The following UTRN variants were observed in gnomAD, a reference collection of about 807,000 sequenced individuals.
UTRN encodes utrophin, also known as dystrophin-related protein 1.
A neutral mutation model predicts 463.9 loss-of-function variants in UTRN; 283 were observed. The observed-to-expected ratio is 0.61, with a 90% CI of 0.55 to 0.67. UTRN has a LOEUF of 0.67. Among genes scored for constraint, UTRN ranks in the 30% least tolerant of loss-of-function variants. The pLI is 0.00. For missense variants in UTRN, 3,922 were observed against 4,084.3 expected, an observed-to-expected ratio of 0.96 and a Z score of 1.08; for synonymous variants, 1,442 against 1,431.5, an observed-to-expected ratio of 1.01 and a Z score of -0.17.
chr6:144,717,909 A>G (rs1786685856), intron 53 of UTRN, among the ~76,000 whole-genome samples: 1 of 152,054 alleles, frequency 6.6e-6, no homozygotes, highest in Admixed American at 6.6e-5. Flanking sequence ...TGCTGGTACT[A>G]CAGGCATGAG....
At chr6:144,331,009 T>C in intron 2 of UTRN, 1 of 985,320 alleles carries the variant, frequency 1.0e-6, no homozygotes, top group Non-Finnish European at 1.2e-6. Context: ...CGGCAGACAG[T>C]CACAGGCAGG....
intron 39 of UTRN, among the ~76,000 whole-genome samples, chr6:144,521,610 G>T (rs370625555): frequency 6.6e-6 from 1 of 152,224 alleles, no homozygotes; most frequent in East Asian, 1.9e-4. Context: ...GTGAAATAAT[G>T]TATCAAAATG....
chr6:144,732,982 C>T lies in UTRN; in HGVS notation c.7939+2496C>T, dbSNP rs1208345455. Among the ~76,000 whole-genome samples the T allele has an allele frequency of 5.3e-5, 8 of 152,118 alleles. No individual in the cohort carries two copies. In the East Asian group the frequency reaches 1.5e-3, roughly 29 times the overall value. On this transcript the variant is annotated intron_variant, in intron 54 of 74. Transcript: ENST00000367545. ...TCTCCAAAAGTGCTGAGAATACAGCCATGAGCCACCGTGCCCAGCCTAGCA... is the reference window on the plus strand; with the variant it reads ...TCTCCAAAAGTGCTGAGAATACAGCTATGAGCCACCGTGCCCAGCCTAGCA...
At chr6:144,354,870 C>T (rs1280545171) in intron 2 of UTRN, among the ~76,000 whole-genome samples, 3 of 152,088 alleles carry the variant, frequency 2.0e-5, no homozygotes, top group Admixed American at 2.0e-4. Flanking sequence ...CGAGGTCTAT[C>T]TCTGCACGGT....
chr6:144,516,033 G>A (rs1357456750), intron 37 of UTRN, among the ~76,000 whole-genome samples, 196 bp from the exon 38 acceptor site: 1 of 152,180 alleles, frequency 6.6e-6, no homozygotes, highest in Admixed American at 6.5e-5. Flanking sequence ...CTAGAGTTTG[G>A]AGAAAACGGG....
At chr6:144,729,167 T>G (rs1420681651) in intron 53 of UTRN, among the ~76,000 whole-genome samples, 1 of 152,212 alleles carries the variant, frequency 6.6e-6, no homozygotes, top group East Asian at 1.9e-4. Flanking sequence ...CTAAAGGCTA[T>G]CATGAGATTT....
Position 144,774,298 on chromosome 6 carries a change from A to C in UTRN, c.8566A>C (p.Asn2856His). The C allele has an allele frequency of 1.2e-6, 2 of 1,602,912 alleles. No homozygotes were observed. Among genetic ancestry groups the C allele is most frequent in the Non-Finnish European group, 1.7e-6 (2 of 1,176,554 alleles). ...TELFQSLADL[N>H]NVRFSAYRTA... ...TTCTTTTTCTATTTCAGCTGACCTG[A>C]ATAATGTACGTTTTTCTGCCTACCG... Residue 2856 changes from asparagine to histidine, a missense_variant, in exon 60 of 75, where the codon AAT becomes CAT. Physicochemically the swap from Asn to His is moderately conservative, Grantham distance 68. This residue lies in a region of UTRN where 1,309 missense variants were observed against 1,452.6 expected (regional missense o/e 0.90). Transcript: ENST00000367545.
intron 33 of UTRN, among the ~76,000 whole-genome samples, chr6:144,495,878 A>G (rs755526799): frequency 6.6e-5 from 10 of 152,164 alleles, no homozygotes; most frequent in Non-Finnish European, 1.2e-4. Flanking sequence ...TTCCCATTTC[A>G]TGTAGGAAAA....
intron 51 of UTRN, among the ~76,000 whole-genome samples, chr6:144,589,718 A>C (rs1324422725): frequency 1.3e-5 from 2 of 152,202 alleles, no homozygotes; most frequent in African/African-American, 4.8e-5. Context: ...GAGCTGGAGC[A>C]TGAGAACATT....
rs146057471 is a variant in UTRN, at chr6:144,301,468, GTC to G, written c.79+9567_79+9568del. On this transcript the variant is annotated intron_variant, in intron 2 of 74. Transcript: ENST00000367545. ...TCAAGGCAGATTGCTCAGAGAGGGG[GTC>G]TCTCTGCATATATGTCTAAGGGAGA... Among the ~76,000 whole-genome samples the G allele has an allele frequency of 1.2e-3, 177 of 151,754 alleles. 1 individual carries two copies. The East Asian group carries it at 0.029, about 25-fold the overall frequency.
intron 2 of UTRN, among the ~76,000 whole-genome samples, chr6:144,317,662 G>A (rs138835805): frequency 4.3e-3 from 648 of 152,290 alleles, no homozygotes; most frequent in Admixed American, 8.2e-3. Context: ...CTCCCAAAGT[G>A]CTGGGATTAC....
chr6:144,819,523 C>T (rs1488509620), intron 65 of UTRN, among the ~76,000 whole-genome samples: 1 of 151,714 alleles, frequency 6.6e-6, no homozygotes. Flanking sequence ...GGTGAAACCC[C>T]GTCTACTAAA....
At chr6:144,353,409 C>T (rs561150677) in intron 2 of UTRN, among the ~76,000 whole-genome samples, 2 of 147,466 alleles carry the variant, frequency 1.4e-5, no homozygotes, top group South Asian at 2.2e-4. Context: ...CCAACGTGCC[C>T]GGCCCTTCTG....
rs115806729 is a variant in UTRN at position 144,334,785 on chromosome 6, C to T, written c.79+42878C>T. Among the ~76,000 whole-genome samples the T allele has an allele frequency of 3.9e-3, 597 of 152,304 alleles. 3 individuals carry two copies. The highest frequency in any genetic ancestry group is 0.013 in the African/African-American group (542 of 41,564). On this transcript the variant is annotated intron_variant, in intron 2 of 74. Coordinates refer to ENST00000367545, the MANE Select transcript of UTRN (RefSeq NM_007124.3). The stretch of plus-strand genomic sequence containing the variant: ...AAGATGCATGCTATGGCTGAAGGAA[C>T]GGCTCAATAGCTGGGAGCTGGCCCT...
chr6:144,635,222 C>A (rs1776992674), intron 51 of UTRN, among the ~76,000 whole-genome samples: 1 of 143,924 alleles, frequency 6.9e-6, no homozygotes, highest in Non-Finnish European at 1.5e-5. Context: ...ATGATCTGGG[C>A]TCACTACAGC....
At chr6:144,723,605 C>G (rs2128710201) in intron 53 of UTRN, among the ~76,000 whole-genome samples, 1 of 152,246 alleles carries the variant, frequency 6.6e-6, no homozygotes, top group East Asian at 1.9e-4. Flanking sequence ...ATAGGAAGTG[C>G]TCTAGAAACA....
chr6:144,320,884 G>C (rs559108479), intron 2 of UTRN, among the ~76,000 whole-genome samples: 19 of 152,218 alleles, frequency 1.2e-4, no homozygotes, highest in African/African-American at 4.3e-4. Context: ...GTTTCTATTT[G>C]CACCTTATTC....
At chr6:144,455,091 A>G (rs1463760187) in intron 19 of UTRN, among the ~76,000 whole-genome samples, 1 of 152,184 alleles carries the variant, frequency 6.6e-6, no homozygotes, top group Non-Finnish European at 1.5e-5. Flanking sequence ...ACACAGAAAC[A>G]TATATACACA....
intron 31 of UTRN, among the ~76,000 whole-genome samples, chr6:144,490,518 G>A (rs1044899167): frequency 2.0e-5 from 3 of 152,202 alleles, no homozygotes; most frequent in African/African-American, 7.2e-5. Context: ...TGGGCAGGCC[G>A]AGCATGAATT....
Sources: gnomAD v4.1 joint callset for allele counts (sites outside exome capture counted in the v4.1 genomes callset) on GRCh38, gnomAD v4.1.1 for gene constraint, gnomAD v4.1.1 regional missense constraint, MANE v1.5 for transcripts, NCBI Gene and HGNC (gene_info 2026-07-23, HGNC 2026-07-21) for gene names.